CSNK2A2IP: variants seen among roughly 807,000 people sequenced by gnomAD.
CSNK2A2IP encodes casein kinase 2 subunit alpha' interacting protein, also known as casein kinase II subunit alpha'-interacting protein.
At chr3:88,415,078 G>A in the CSNK2A2IP span, among the ~76,000 whole-genome samples, 3 of 151,504 alleles carry the variant, frequency 2.0e-5, no homozygotes, top group African/African-American at 2.4e-5. Context: ...AGCATAAAAA[G>A]CCACATAGCA....
chr3:88,465,520 G>A, the CSNK2A2IP span: 1 of 1,231,702 alleles, frequency 8.1e-7, no homozygotes, highest in African/African-American at 1.5e-5. Context: ...TCACTTTGCA[G>A]TACCTCCACT....
the CSNK2A2IP span, among the ~76,000 whole-genome samples, chr3:88,413,437 T>C: frequency 6.6e-6 from 1 of 152,058 alleles, no homozygotes; most frequent in Non-Finnish European, 1.5e-5. Flanking sequence ...GTATATGAAC[T>C]GTGTATTAAA....
At chr3:88,447,030 T>A in the CSNK2A2IP span, among the ~76,000 whole-genome samples, 16 of 152,304 alleles carry the variant, frequency 1.1e-4, no homozygotes, top group African/African-American at 1.2e-4. Context: ...ATTGGATGAA[T>A]CAGCCAATTT....
the CSNK2A2IP span, among the ~76,000 whole-genome samples, chr3:88,387,380 C>T: frequency 2.6e-5 from 4 of 151,934 alleles, no homozygotes; most frequent in Admixed American, 2.0e-4. Flanking sequence ...CATGTTGGCC[C>T]GGATGGTCTC....
At chr3:88,449,872 T>TAGAGAGAGAGAGAGAGAGAGAGAGAGAG in the CSNK2A2IP span, among the ~76,000 whole-genome samples, 3 of 79,052 alleles carry the variant, frequency 3.8e-5, no homozygotes, top group Admixed American at 1.2e-4. Flanking sequence ...TATATATATA[T>TAGAGAGAGAGAGAGAGAGAGAGAGAGAG]ATAGAGAGAG....
chr3:88,342,132 C>A, the CSNK2A2IP span, among the ~76,000 whole-genome samples: 1 of 151,820 alleles, frequency 6.6e-6, no homozygotes, highest in Admixed American at 6.6e-5. Flanking sequence ...CAAAACAAAT[C>A]TTTGCTACAA....
chr3:88,383,236 T>TA, the CSNK2A2IP span, among the ~76,000 whole-genome samples: 3 of 152,246 alleles, frequency 2.0e-5, no homozygotes, highest in African/African-American at 4.8e-5. Context: ...TTTCTTAAAA[T>TA]AAAAAATATA....
At chr3:88,418,346 A>G in the CSNK2A2IP span, among the ~76,000 whole-genome samples, 1 of 152,070 alleles carries the variant, frequency 6.6e-6, no homozygotes, top group Non-Finnish European at 1.5e-5. Context: ...CTTATTCTAA[A>G]GCACTCTCCA....
the CSNK2A2IP span, among the ~76,000 whole-genome samples, chr3:88,421,282 T>C: frequency 6.6e-6 from 1 of 152,202 alleles, no homozygotes; most frequent in Non-Finnish European, 1.5e-5. Flanking sequence ...TACGTATGTA[T>C]ATAGGAGACC....
the CSNK2A2IP span, among the ~76,000 whole-genome samples, chr3:88,344,114 T>G: frequency 6.6e-6 from 1 of 152,032 alleles, no homozygotes; most frequent in South Asian, 2.1e-4. Flanking sequence ...TGCCAGAAAT[T>G]GCAACCAGGC....
chr3:88,446,194 G>T, the CSNK2A2IP span, among the ~76,000 whole-genome samples: 2 of 150,822 alleles, frequency 1.3e-5, no homozygotes, highest in Admixed American at 1.3e-4. Flanking sequence ...TGCAACCTCT[G>T]CCTCATGCCT....
At chr3:88,410,573 A>T in the CSNK2A2IP span, among the ~76,000 whole-genome samples, 1 of 152,142 alleles carries the variant, frequency 6.6e-6, no homozygotes, top group South Asian at 2.1e-4. Context: ...AAGATTATAG[A>T]CTTTGGTTAT....
the CSNK2A2IP span, among the ~76,000 whole-genome samples, chr3:88,428,502 A>T: frequency 6.6e-6 from 1 of 152,100 alleles, no homozygotes; most frequent in East Asian, 1.9e-4. Context: ...TCTTACCTTG[A>T]ATTGTAGTTC....
chr3:88,401,094 A>G, the CSNK2A2IP span, among the ~76,000 whole-genome samples: 1 of 152,158 alleles, frequency 6.6e-6, no homozygotes, highest in African/African-American at 2.4e-5. Context: ...ATCATATGTT[A>G]TTGAGCAGTA....
chr3:88,454,655 A>C, the CSNK2A2IP span, among the ~76,000 whole-genome samples: 2 of 151,844 alleles, frequency 1.3e-5, no homozygotes, highest in African/African-American at 4.8e-5. Flanking sequence ...AGTTTTATTG[A>C]TGTATAATTG....
At chr3:88,446,038 CTT>C in the CSNK2A2IP span, among the ~76,000 whole-genome samples, 7 of 11,326 alleles carry the variant, frequency 6.2e-4, 2 homozygotes, top group South Asian at 5.5e-3. Flanking sequence ...TCTTTTCTTT[CTT>C]TCTTTCTTTC....
the CSNK2A2IP span, among the ~76,000 whole-genome samples, chr3:88,346,062 T>C: frequency 3.9e-5 from 6 of 152,008 alleles, no homozygotes; most frequent in South Asian, 1.2e-3. Flanking sequence ...TTTGGTGGTC[T>C]GGATAGACTA....
chr3:88,466,245 C>T, the CSNK2A2IP span: 3 of 1,231,660 alleles, frequency 2.4e-6, no homozygotes, highest in Non-Finnish European at 3.0e-6. Flanking sequence ...TACCAGTGTC[C>T]CATTCAAAAG....
At chr3:88,351,020 A>G in the CSNK2A2IP span, among the ~76,000 whole-genome samples, 1 of 152,166 alleles carries the variant, frequency 6.6e-6, no homozygotes, top group Admixed American at 6.6e-5. Context: ...CTAATCCTCA[A>G]CACAGAATTC....
Sources: allele counts gnomAD v4.1 joint callset (sites outside exome capture counted in the v4.1 genomes callset), GRCh38; gene constraint gnomAD v4.1.1; transcripts MANE v1.5; gene names NCBI Gene and HGNC (gene_info 2026-07-23, HGNC 2026-07-21).